The following TCF7L2 variants were observed in gnomAD, a reference collection of about 807,000 sequenced individuals.
TCF7L2 encodes transcription factor 7-like 2.
A neutral mutation model predicts 77.9 loss-of-function variants in TCF7L2; 23 were observed. The observed-to-expected ratio is 0.30, with a 90% CI of 0.21 to 0.42. TCF7L2 has a LOEUF of 0.42. TCF7L2 is among the 10% of genes least tolerant of loss of function. The pLI is 1.00. For synonymous variants in TCF7L2, 413 were observed against 340.2 expected, an observed-to-expected ratio of 1.21 and a Z score of -2.36; for missense variants, 654 against 793.1, an observed-to-expected ratio of 0.82 and a Z score of 2.11.
At chr10:113,092,798 A>C (rs554869871) in intron 5 of TCF7L2, among the ~76,000 whole-genome samples, 1 of 152,272 alleles carries the variant, frequency 6.6e-6, no homozygotes, top group South Asian at 2.1e-4. Flanking sequence ...TGGGGGACGG[A>C]GGTTGCAGTG....
At chr10:112,991,514 A>T (rs1345631149) in intron 4 of TCF7L2, among the ~76,000 whole-genome samples, 1 of 144,634 alleles carries the variant, frequency 6.9e-6, no homozygotes, top group Non-Finnish European at 1.5e-5. Context: ...TCTCAAAAAA[A>T]AAAAGAAAGA....
At chr10:113,119,192 C>A (rs1390464150) in intron 5 of TCF7L2, among the ~76,000 whole-genome samples, 1 of 152,112 alleles carries the variant, frequency 6.6e-6, no homozygotes, top group Non-Finnish European at 1.5e-5. Context: ...AAATTGACAC[C>A]TCACGCTAGG....
At chr10:113,140,138 A>G (rs2136789822) in intron 5 of TCF7L2, among the ~76,000 whole-genome samples, 1 of 152,160 alleles carries the variant, frequency 6.6e-6, no homozygotes, top group South Asian at 2.1e-4. Context: ...GGTTTTTTGC[A>G]ATTGGATTAC....
At chr10:113,100,468 C>T (rs1169713396) in intron 5 of TCF7L2, among the ~76,000 whole-genome samples, 1 of 151,362 alleles carries the variant, frequency 6.6e-6, no homozygotes, top group East Asian at 1.9e-4. Flanking sequence ...CAAACACCCA[C>T]GTGAGAAGGT....
At chr10:113,022,591 G>A (rs1383882716) in intron 4 of TCF7L2, among the ~76,000 whole-genome samples, 2 of 152,234 alleles carry the variant, frequency 1.3e-5, no homozygotes, top group East Asian at 3.9e-4. Flanking sequence ...GTTAATACGC[G>A]TATCTGCAGA....
chr10:112,953,353 C>T (rs1214622417), intron 3 of TCF7L2, among the ~76,000 whole-genome samples: 3 of 152,146 alleles, frequency 2.0e-5, no homozygotes, highest in Non-Finnish European at 4.4e-5. Flanking sequence ...GGGCCGCGCT[C>T]TGGGCTTGCA....
intron 4 of TCF7L2, among the ~76,000 whole-genome samples, chr10:113,004,139 G>T (rs896108650): frequency 6.6e-6 from 1 of 152,174 alleles, no homozygotes; most frequent in Non-Finnish European, 1.5e-5. Flanking sequence ...AGAGAGGGCG[G>T]ACTTTTTATT....
chr10:113,049,390 C>T (rs77795162), intron 5 of TCF7L2, among the ~76,000 whole-genome samples: 2,408 of 152,122 alleles, frequency 0.016, 29 homozygotes, highest in South Asian at 0.041. Flanking sequence ...TGGGTGGCAT[C>T]GTCGATTGCT....
chr10:112,961,888 C>T (rs550916760), intron 3 of TCF7L2, among the ~76,000 whole-genome samples: 36 of 145,898 alleles, frequency 2.5e-4, no homozygotes, highest in South Asian at 1.1e-3. Context: ...CTCGCGTGTG[C>T]GTGTATGTGT....
chr10:113,165,942 G>T lies in TCF7L2; in HGVS notation c.1779G>T (p.Pro593=). 6.5e-7 allele frequency: 1 copy of T among 1,539,606 alleles called. No homozygotes were observed. Among genetic ancestry groups the T allele is most frequent in the Non-Finnish European group, 8.8e-7 (1 of 1,141,588 alleles). ...CCCTGGCCGGGACCCAGCCCCAGCC[G>T]CTGTCGCTCGTCACCAAGTCTTTAG... The change falls in exon 14 of 14, where the codon CCG becomes CCT. Residue 593 remains proline, a synonymous_variant. Coordinates refer to ENST00000627217, the MANE Select transcript of TCF7L2 (RefSeq NM_001146274.2).
chr10:112,997,673 TCTC>T (rs974739710), intron 4 of TCF7L2, among the ~76,000 whole-genome samples: 1 of 152,170 alleles, frequency 6.6e-6, no homozygotes, highest in African/African-American at 2.4e-5. Flanking sequence ...TTGTAAAACA[TCTC>T]CCTGGTCTCA....
At chr10:113,113,415 CTATT>C (rs1436141702) in intron 5 of TCF7L2, among the ~76,000 whole-genome samples, 2 of 152,182 alleles carry the variant, frequency 1.3e-5, no homozygotes, top group Non-Finnish European at 2.9e-5. Flanking sequence ...TGGTCAGTGG[CTATT>C]TAGACATGAA....
At chr10:112,962,924 T>C (rs2035652772) in intron 3 of TCF7L2, among the ~76,000 whole-genome samples, 1 of 152,184 alleles carries the variant, frequency 6.6e-6, no homozygotes, top group Admixed American at 6.5e-5. Context: ...ATACTGCTTC[T>C]GAGTATGTGT....
chr10:113,153,393 T>C (rs1017653359), intron 11 of TCF7L2, among the ~76,000 whole-genome samples: 24 of 152,260 alleles, frequency 1.6e-4, no homozygotes, highest in Admixed American at 1.5e-3. Flanking sequence ...ACACCAAAAC[T>C]TGTCTTAAGG....
intron 11 of TCF7L2, among the ~76,000 whole-genome samples, chr10:113,152,660 G>A (rs890594796): frequency 3.3e-5 from 5 of 152,174 alleles, no homozygotes; most frequent in Admixed American, 1.3e-4. Context: ...TCAGGGTGGA[G>A]AGAGGAGGCT....
chr10:112,966,159 G>A (rs1459218548), intron 4 of TCF7L2, among the ~76,000 whole-genome samples: 1 of 124,724 alleles, frequency 8.0e-6, no homozygotes, highest in Non-Finnish European at 1.6e-5. Context: ...TGGGTGACAA[G>A]AGTGAGACTC....
At chr10:112,973,470 G>A (rs550364230) in intron 4 of TCF7L2, among the ~76,000 whole-genome samples, 1 of 152,304 alleles carries the variant, frequency 6.6e-6, no homozygotes, top group South Asian at 2.1e-4. Context: ...AGGCCAGGTT[G>A]AGGCATCTGG....
chr10:112,968,568 A>G (rs139613002), intron 4 of TCF7L2, among the ~76,000 whole-genome samples: 9 of 152,198 alleles, frequency 5.9e-5, no homozygotes, highest in African/African-American at 1.7e-4. Context: ...GTCAAAAGGT[A>G]TACTCGGGTT....
chr10:113,077,448 C>T (rs1234472102), intron 5 of TCF7L2, among the ~76,000 whole-genome samples: 1 of 152,112 alleles, frequency 6.6e-6, no homozygotes, highest in East Asian at 1.9e-4. Flanking sequence ...ACATTTTCCT[C>T]ACCCCCTAAA....
Sources: gnomAD v4.1 joint callset for allele counts (sites outside exome capture counted in the v4.1 genomes callset) on GRCh38, gnomAD v4.1.1 for gene constraint, MANE v1.5 for transcripts, NCBI Gene and HGNC (gene_info 2026-07-23, HGNC 2026-07-21) for gene names.